MYH9: variants seen among roughly 807,000 people sequenced by gnomAD.
The protein encoded by MYH9 is myosin heavy chain 9.
MYH9 carries 29 observed loss-of-function variants against 241.9 expected under a neutral mutation model. The observed-to-expected ratio is 0.12, with a 90% confidence interval of 0.09 to 0.16. MYH9 has a LOEUF of 0.16. Ranked by LOEUF, MYH9 falls within the 10% of genes least tolerant of loss-of-function variation. The probability of loss-of-function intolerance (pLI) is 1.00; values close to 1 mark genes in which losing one functional copy is unlikely to be tolerated. For missense variants in MYH9, 1,803 were observed against 2,595.5 expected (o/e 0.69, Z 6.63); for synonymous variants, 1,047 against 1,062.6 (o/e 0.99, Z 0.29).
intron 2 of MYH9, among the ~76,000 whole-genome samples, chr22:36,347,360 G>A (rs1049793413): frequency 6.6e-6 from 1 of 151,916 alleles, no homozygotes; most frequent in African/African-American, 2.4e-5. Context: ...GAGTCCCAGA[G>A]CAAGTCTTAC....
At chr22:36,283,753 T>A (rs1262510020) in intron 40 of MYH9, among the ~76,000 whole-genome samples, 4 of 152,246 alleles carry the variant, frequency 2.6e-5, no homozygotes, top group Non-Finnish European at 5.9e-5. Flanking sequence ...GGAGCGTTTT[T>A]AACCTCTGTA....
chr22:36,328,064 GGGATAACAGTAC>G (rs1387079116), intron 3 of MYH9, among the ~76,000 whole-genome samples: 1 of 152,248 alleles, frequency 6.6e-6, no homozygotes, highest in Non-Finnish European at 1.5e-5. Flanking sequence ...TCCGCAGCGT[GGGATAACAGTAC>G]TTGTGTCCAC....
At chr22:36,292,362 G>C in intron 30 of MYH9, 128 bp from the exon 31 acceptor site, 1 of 1,261,056 alleles carries the variant, frequency 7.9e-7, no homozygotes, top group Non-Finnish European at 1.1e-6. Context: ...GCCCAGTTAT[G>C]AAACCGCCTC....
chr22:36,344,482 G>A (rs938457684), intron 2 of MYH9, among the ~76,000 whole-genome samples: 13 of 152,224 alleles, frequency 8.5e-5, no homozygotes, highest in Admixed American at 3.3e-4. Context: ...CCATCCAGGC[G>A]GCCCCGCCCA....
chr22:36,335,303 C>A (rs1246879883), intron 3 of MYH9, among the ~76,000 whole-genome samples: 1 of 152,370 alleles, frequency 6.6e-6, no homozygotes, highest in East Asian at 1.9e-4. Flanking sequence ...ACACAGAACA[C>A]GCCCCATCTT....
At chr22:36,284,060 G>A (rs770745869) in intron 40 of MYH9, 33 bp downstream of exon 40, 20 of 1,607,792 alleles carry the variant, frequency 1.2e-5, no homozygotes, top group East Asian at 8.9e-5. Flanking sequence ...GAGAAGTGCC[G>A]AGGCAAAGGG....
Position 36,288,312 on chromosome 22 carries a change from C to T in MYH9, c.4872G>A (p.Ala1624=), listed in dbSNP as rs2269530. 4.3e-6 allele frequency: 7 copies of T among 1,613,740 alleles called. No individual in the cohort carries two copies. Among genetic ancestry groups the T allele is most frequent in the Non-Finnish European group, 5.9e-6 (7 of 1,179,924 alleles). ...GGTTCTTGTTGGCCGAGTCGATGTG[C>T]GCCTCCAGGTCCTTCAGGTCCATCT... The part of the protein sequence containing the change: ...KLEMDLKDLE[A]HIDSANKNRD... The change falls in exon 34 of 41, where the codon GCG becomes GCA. Residue 1624 remains alanine, a synonymous_variant. Transcript: ENST00000216181. This position sits in a 1 kb window ranked among gnomAD's most constrained non-coding sequence, Gnocchi z 4.8.
chr22:36,292,107 T>A lies in MYH9; in HGVS notation c.4223A>T (p.Tyr1408Phe). Residue 1408 changes from tyrosine to phenylalanine, a missense_variant, in exon 31 of 41, where the codon TAC (tyrosine) becomes TTC (phenylalanine). Tyr to Phe is a conservative substitution (Grantham distance 22). Around this residue, in one of 11 missense-constraint regions of MYH9, gnomAD observed 876 missense variants for 1,077.8 expected, o/e 0.81. Transcript: ENST00000216181. ...CGTCTTGGTCTTCTCCAGCTTGTCG[T>A]AGGCGGCCACCTTCTCCTCGTGCCG... ...SQRHEEKVAA[Y>F]DKLEKTKTRL... The A allele has an allele frequency of 6.2e-7, 1 of 1,614,202 alleles. No homozygotes were observed. The highest frequency in any genetic ancestry group is 1.1e-5 in the South Asian group (1 of 91,090).
intron 2 of MYH9, among the ~76,000 whole-genome samples, chr22:36,346,151 CAAAAA>C (rs56232061): frequency 1.6e-5 from 2 of 121,284 alleles, no homozygotes. Flanking sequence ...GACTCCGTCT[CAAAAA>C]AAAAAAAAAA....
At chr22:36,303,798 A>G (rs1397564215) in intron 19 of MYH9, among the ~76,000 whole-genome samples, 197 bp downstream of exon 19, 8 of 151,550 alleles carry the variant, frequency 5.3e-5, no homozygotes, top group East Asian at 1.9e-4. Flanking sequence ...AAAAAAAAAA[A>G]AAAAAGAAAA....
chr22:36,322,905 C>A (rs974678740), intron 5 of MYH9, among the ~76,000 whole-genome samples: 6 of 152,200 alleles, frequency 3.9e-5, no homozygotes, highest in African/African-American at 7.2e-5. Flanking sequence ...CTTCCCTCTA[C>A]CTCCTTGCCT....
intron 3 of MYH9, among the ~76,000 whole-genome samples, chr22:36,335,758 G>T (rs554919911): frequency 6.6e-6 from 1 of 152,198 alleles, no homozygotes; most frequent in African/African-American, 2.4e-5. Flanking sequence ...AATGCCCCAC[G>T]GGCCTGTGCC....
intron 5 of MYH9, among the ~76,000 whole-genome samples, chr22:36,323,438 T>C (rs1403185612): frequency 2.0e-5 from 3 of 152,214 alleles, no homozygotes; most frequent in Non-Finnish European, 4.4e-5. Flanking sequence ...TTCCCCTTAA[T>C]GCCTGAGTGC....
rs1603484071 is a variant in MYH9, at chr22:36,349,389, A to G, written c.-19-134T>C. ...GTAAAACTCTATATAACCAGGCTGC[A>G]CAACTTTCTTGCTCCACACTTTTGG... On this transcript the variant is annotated intron_variant, in intron 1 of 40. Transcript: ENST00000216181. 3 of 726,400 alleles carry G rather than the reference A, an allele frequency of 4.1e-6. No individual in the cohort carries two copies. The East Asian group carries it at 8.1e-5, about 20-fold the overall frequency. 45.0% of individuals were successfully genotyped at this position (726,400 alleles called of 1,614,324 possible).
Position 36,282,394 on chromosome 22 carries a change from GGA to G in MYH9, c.*272_*273del, listed in dbSNP as rs1207026651. 3 of 589,440 alleles carry G rather than the reference GGA, an allele frequency of 5.1e-6. No individual in the cohort carries two copies. The highest frequency in any genetic ancestry group is 6.1e-6 in the Non-Finnish European group (2 of 328,424). The allele number at this position is 589,440 out of a possible 1,614,324, so 36.5% of individuals were successfully genotyped here. A position where few individuals can be genotyped will look rare whatever the true frequency, so the allele number is the denominator to read the frequency against. On this transcript the variant is annotated 3_prime_UTR_variant, in exon 41 of 41. Coordinates refer to ENST00000216181, the MANE Select transcript of MYH9 (RefSeq NM_002473.6). ...GTGCTTTTTGGCAAGAGAGGGCTGA[GGA>G]GCCTGCTGGTCGCTCTCTGCCTGGG...
chr22:36,352,218 G>C (rs2017776199), intron 1 of MYH9, among the ~76,000 whole-genome samples: 1 of 152,198 alleles, frequency 6.6e-6, no homozygotes, highest in African/African-American at 2.4e-5. Context: ...GGAGAGGAAT[G>C]CATTCCAGAG....
intron 1 of MYH9, among the ~76,000 whole-genome samples, chr22:36,386,156 T>C (rs112087333): frequency 0.015 from 2,297 of 152,230 alleles, 64 homozygotes; most frequent in African/African-American, 0.053. Flanking sequence ...TCACAGTACC[T>C]TTCCGGGGTC....
intron 1 of MYH9, among the ~76,000 whole-genome samples, chr22:36,376,729 A>G (rs16996724): frequency 0.064 from 9,723 of 152,318 alleles, 341 homozygotes; most frequent in East Asian, 0.1. Flanking sequence ...CCGGCATTCA[A>G]AAGCTTTTGG....
chr22:36,379,793 C>A (rs1436946671), intron 1 of MYH9, among the ~76,000 whole-genome samples: 1 of 152,196 alleles, frequency 6.6e-6, no homozygotes, highest in Non-Finnish European at 1.5e-5. Context: ...ATGCAGACAG[C>A]CACTGAGGGA....
Sources: gnomAD v4.1 joint callset for allele counts (sites outside exome capture counted in the v4.1 genomes callset) on GRCh38, gnomAD v4.1.1 for gene constraint, gnomAD v4.1.1 regional missense constraint, Gnocchi (gnomAD v3.1) non-coding constraint, MANE v1.5 for transcripts, NCBI Gene and HGNC (gene_info 2026-07-23, HGNC 2026-07-21) for gene names.